Variants in BUD23 observed in about 807,000 individuals in gnomAD.
The protein encoded by BUD23 is BUD23 rRNA methyltransferase and ribosome maturation factor.
In BUD23, 34 loss-of-function variants were observed where a neutral mutation model predicts 47.0. The observed-to-expected ratio is 0.72, with a 90% CI of 0.55 to 0.96. The LOEUF is 0.96. Ranked by LOEUF, BUD23 falls within the 40% of genes least tolerant of loss-of-function variation. The pLI, the probability that BUD23 is intolerant of heterozygous loss-of-function variation, is 0.00. For missense variants in BUD23, 343 were observed against 361.2 expected, an observed-to-expected ratio of 0.95 and a Z score of 0.41; for synonymous variants, 124 against 132.0, an observed-to-expected ratio of 0.94 and a Z score of 0.41.
chr7:73,689,088 T>C (rs1798089260), intron 5 of BUD23, among the ~76,000 whole-genome samples: 1 of 152,196 alleles, frequency 6.6e-6, no homozygotes. Flanking sequence ...CTTACTGTAT[T>C]GTCCAGACTG....
intron 2 of BUD23, among the ~76,000 whole-genome samples, chr7:73,684,610 A>AT (rs1797869081): frequency 1.1e-5 from 1 of 88,462 alleles, no homozygotes; most frequent in East Asian, 3.2e-4. Context: ...CGTTAAAAAA[A>AT]AAAAAAAGGG....
At chr7:73,689,882 T>C (rs1204658887) in intron 5 of BUD23, among the ~76,000 whole-genome samples, 1 of 151,882 alleles carries the variant, frequency 6.6e-6, no homozygotes, top group Non-Finnish European at 1.5e-5. Context: ...GCACTGAGCA[T>C]TGGTGCGGGG....
At chr7:73,687,303 A>C (rs1554613215) in intron 5 of BUD23, among the ~76,000 whole-genome samples, 1 of 151,948 alleles carries the variant, frequency 6.6e-6, no homozygotes, top group African/African-American at 2.4e-5. Context: ...TTTGAGATGG[A>C]GTCTTGCTCT....
At chr7:73,692,901 A>C (rs1310751777) in intron 7 of BUD23, 1 of 553,512 alleles carries the variant, frequency 1.8e-6, no homozygotes, top group Non-Finnish European at 3.2e-6. Flanking sequence ...TCCATAACCA[A>C]ATAAGTAAAT....
In BUD23 at chr7:73,693,394, TA is replaced by T. The variant is rs1798266940; in HGVS notation, c.578del (p.Asn193ThrfsTer24). The stretch of plus-strand genomic sequence containing the variant: ...CCGGTGGCATGGTGGTAGACTACCC[TA>T]ACAGTGCCAAAGCAAAGAAGTGAGC... ...FSGGMVVDYP[N>X]SAKAKKFYLC... is the part of the protein sequence containing the mutation. On this transcript the variant is annotated frameshift_variant, in exon 8 of 12. Transcript: ENST00000265758. LOFTEE classifies it high-confidence loss of function. The T allele has an allele frequency of 6.2e-7, 1 of 1,614,088 alleles. No homozygotes were observed. The highest frequency in any genetic ancestry group is 2.2e-5 in the East Asian group (1 of 44,872).
intron 5 of BUD23, among the ~76,000 whole-genome samples, chr7:73,687,398 T>TC (rs781787220): frequency 6.6e-6 from 1 of 152,132 alleles, no homozygotes; most frequent in East Asian, 1.9e-4. Flanking sequence ...TGCCTCAGCC[T>TC]CCCAAGTAGC....
Position 73,697,371 on chromosome 7 carries a change from C to T in BUD23, c.702-234C>T, listed in dbSNP as rs963039481. 79 of 1,474,286 alleles carry T rather than the reference C, an allele frequency of 5.4e-5. No individual in the cohort carries two copies. In the Middle Eastern group the frequency reaches 8.3e-4, roughly 15 times the overall value. The allele number at this position is 1,474,286 out of a possible 1,614,324, so 91.3% of individuals were successfully genotyped here. A position where few individuals can be genotyped will look rare whatever the true frequency, so the allele number is the denominator to read the frequency against. On this transcript the variant is annotated intron_variant, in intron 10 of 11. Transcript: ENST00000265758. ...TGGTGTTTAGGTCTCCATGCCCGGC[C>T]CAGCTCTCTCCTCCTCTGCCCACCC...
At chr7:73,684,914 A>C (rs1554612590) in intron 2 of BUD23, among the ~76,000 whole-genome samples, 1 of 114,792 alleles carries the variant, frequency 8.7e-6, no homozygotes, top group African/African-American at 3.6e-5. Context: ...ACAGAGCAAG[A>C]CTTTGTTTCA....
intron 6 of BUD23, 101 bp from the exon 7 acceptor site, chr7:73,692,495 G>A: frequency 8.5e-7 from 1 of 1,182,890 alleles, no homozygotes; most frequent in Non-Finnish European, 1.2e-6. Context: ...CACACATAAT[G>A]GAAATTCAGG....
intron 10 of BUD23, chr7:73,697,383 T>G (rs1026042144): frequency 6.6e-7 from 1 of 1,512,832 alleles, no homozygotes; most frequent in Non-Finnish European, 8.9e-7. Flanking sequence ...AGCTCTCTCC[T>G]CCTCTGCCCA....
chr7:73,691,477 A>G (rs1584222251), intron 6 of BUD23, among the ~76,000 whole-genome samples: 1 of 152,198 alleles, frequency 6.6e-6, no homozygotes, highest in Non-Finnish European at 1.5e-5. Flanking sequence ...GATGAGGAAC[A>G]GGATAGTTAT....
At chr7:73,684,616 A>AGGG (rs1554612511) in intron 2 of BUD23, among the ~76,000 whole-genome samples, 7 of 57,748 alleles carry the variant, frequency 1.2e-4, no homozygotes, top group African/African-American at 4.3e-4. Context: ...AAAAAAAAAA[A>AGGG]AGGGGGGGGG....
At chr7:73,687,544 G>C (rs576058214) in intron 5 of BUD23, among the ~76,000 whole-genome samples, 1 of 152,238 alleles carries the variant, frequency 6.6e-6, no homozygotes, top group African/African-American at 2.4e-5. Context: ...CAAAGTGCTG[G>C]GATTACAGGT....
rs576554458 is a variant in BUD23, at chr7:73,697,994, A to G, written c.*108A>G. ...CTAAAGTTATAAAAATGTTTTCTGCAGTAAAAAAAAAGTTCTCTGGGCCGG... is the reference window on the plus strand; with the variant it reads ...CTAAAGTTATAAAAATGTTTTCTGCGGTAAAAAAAAAGTTCTCTGGGCCGG... On this transcript the variant is annotated 3_prime_UTR_variant, in exon 12 of 12. Coordinates refer to ENST00000265758, the MANE Select transcript of BUD23 (RefSeq NM_017528.5). The G allele has an allele frequency of 2.1e-6, 3 of 1,405,970 alleles. No homozygotes were observed. Among genetic ancestry groups the G allele is most frequent in the South Asian group, 1.5e-5 (1 of 67,484 alleles). The allele number at this position is 1,405,970 out of a possible 1,614,324, so 87.1% of individuals were successfully genotyped here. A position where few individuals can be genotyped will look rare whatever the true frequency, so the allele number is the denominator to read the frequency against.
At chr7:73,687,157 G>A (rs1798007429) in intron 5 of BUD23, 62 bp downstream of exon 5, 3 of 1,546,366 alleles carry the variant, frequency 1.9e-6, no homozygotes, top group Admixed American at 3.5e-5. Context: ...TATCACTTAG[G>A]CTCTAGTGCA....
intron 11 of BUD23, 23 bp downstream of exon 11, chr7:73,697,717 G>T (rs1416930834): frequency 6.4e-7 from 1 of 1,559,368 alleles, no homozygotes; most frequent in African/African-American, 1.7e-5. Context: ...CTGGGAGCTG[G>T]CAGGGTGGGT....
chr7:73,695,298 C>G (rs1798360173), intron 10 of BUD23: 1 of 151,588 alleles, frequency 6.6e-6, no homozygotes. Context: ...ACTCTTTCCC[C>G]CCAGGCTGGA....
chr7:73,684,409 C>T (rs1584208524), intron 2 of BUD23, among the ~76,000 whole-genome samples: 1 of 151,132 alleles, frequency 6.6e-6, no homozygotes. Context: ...GGTGTGGTGG[C>T]TCCCCTCTGC....
At chr7:73,689,351 CTT>C (rs782421144) in intron 5 of BUD23, among the ~76,000 whole-genome samples, 8 of 143,022 alleles carry the variant, frequency 5.6e-5, no homozygotes, top group South Asian at 2.2e-4. Flanking sequence ...CCGGCCCAGA[CTT>C]TTTTTTTTTT....
Sources: gnomAD v4.1 joint callset for allele counts (sites outside exome capture counted in the v4.1 genomes callset) on GRCh38, gnomAD v4.1.1 for gene constraint, MANE v1.5 for transcripts, NCBI Gene and HGNC (gene_info 2026-07-23, HGNC 2026-07-21) for gene names.